The following RNF10 variants were observed in gnomAD, a reference collection of about 807,000 sequenced individuals.
RNF10 encodes the protein E3 ubiquitin-protein ligase RNF10.
A neutral mutation model predicts 91.4 loss-of-function variants in RNF10; 38 were observed. The observed-to-expected ratio is 0.42, with a 90% CI of 0.32 to 0.54. The LOEUF is 0.54. RNF10 is among the 20% of genes least tolerant of loss of function. The probability of loss-of-function intolerance (pLI) is 0.16; values close to 1 mark genes in which losing one functional copy is unlikely to be tolerated. For synonymous variants in RNF10, 364 were observed against 366.3 expected (o/e 0.99, Z 0.07); for missense variants, 945 against 1,012.0 (o/e 0.93, Z 0.90).
chr12:120,563,677 C>G (rs1028267987), intron 9 of RNF10, 54 bp downstream of exon 9: 1 of 1,568,500 alleles, frequency 6.4e-7, no homozygotes, highest in African/African-American at 1.4e-5. Context: ...TCAGAGGTGA[C>G]CCGGTGCTCT....
chr12:120,555,528 C>G (rs912010834), intron 4 of RNF10, among the ~76,000 whole-genome samples: 1 of 148,804 alleles, frequency 6.7e-6, no homozygotes, highest in African/African-American at 2.5e-5. Flanking sequence ...GCTCTTGTTG[C>G]CCAGGCTGGA....
At chr12:120,545,130 T>A (rs937787105) in intron 1 of RNF10, among the ~76,000 whole-genome samples, 6 of 152,234 alleles carry the variant, frequency 3.9e-5, no homozygotes, top group African/African-American at 1.4e-4. Context: ...TATTCTACAC[T>A]ATTTTCAGAA....
intron 4 of RNF10, among the ~76,000 whole-genome samples, chr12:120,556,638 A>T (rs979872105): frequency 6.6e-6 from 1 of 152,000 alleles, no homozygotes; most frequent in Non-Finnish European, 1.5e-5. Flanking sequence ...TATTAAAAAA[A>T]AATGAAGTCT....
At chr12:120,568,570 G>A (rs1305732192) in intron 13 of RNF10, among the ~76,000 whole-genome samples, 3 of 151,666 alleles carry the variant, frequency 2.0e-5, no homozygotes, top group Admixed American at 1.3e-4. Flanking sequence ...CTGCCTCCCG[G>A]GTTCAAGCGA....
At chr12:120,557,202 G>A in intron 4 of RNF10, 80 bp from the exon 5 acceptor site, 1 of 1,236,554 alleles carries the variant, frequency 8.1e-7, no homozygotes, top group Non-Finnish European at 1.2e-6. Context: ...ATGCGGATGA[G>A]AGAGTAGAGA....
chr12:120,575,418 A>G (rs1877254828), intron 14 of RNF10: 4 of 573,602 alleles, frequency 7.0e-6, no homozygotes, highest in Non-Finnish European at 3.1e-6. Flanking sequence ...CAAACAGCTT[A>G]TGGTTTACTA....
chr12:120,542,796 G>T (rs559500809), intron 1 of RNF10, among the ~76,000 whole-genome samples: 4 of 152,164 alleles, frequency 2.6e-5, no homozygotes, highest in Admixed American at 6.5e-5. Context: ...CATGTGATCT[G>T]CCTGCCTTGG....
chr12:120,543,840 C>G (rs1471279188), intron 1 of RNF10, among the ~76,000 whole-genome samples: 1 of 151,612 alleles, frequency 6.6e-6, no homozygotes, highest in Admixed American at 6.6e-5. Context: ...GTGGTGCACA[C>G]CTGCAGTCCT....
intron 1 of RNF10, among the ~76,000 whole-genome samples, chr12:120,538,243 CTT>C (rs1308512240): frequency 2.6e-5 from 4 of 152,156 alleles, no homozygotes; most frequent in Non-Finnish European, 5.9e-5. Flanking sequence ...ATTTAAGTCA[CTT>C]TTTTTCTCCC....
At position 120,534,840 on chromosome 12, in the gene RNF10, C is replaced by T. The variant is rs1263324230; in HGVS notation, c.29C>T (p.Ala10Val). 1.9e-6 allele frequency: 3 copies of T among 1,602,232 alleles called. No individual in the cohort carries two copies. Among genetic ancestry groups the T allele is most frequent in the Non-Finnish European group, 2.5e-6 (3 of 1,178,180 alleles). The change falls in exon 1 of 17, where the codon GCC becomes GTC. Residue 10 changes from alanine to valine, a missense_variant. Ala to Val is a moderately conservative substitution (Grantham distance 64). Transcript: ENST00000325954. ...CCGCTGAGCTCCCCCAACGCCGCCG[C>T]CACCGCCTCCGACATGGACAAGAAC... MPLSSPNAA[A>V]TASDMDKNSG...
intron 1 of RNF10, among the ~76,000 whole-genome samples, chr12:120,537,153 T>A (rs564249972): frequency 6.6e-6 from 1 of 151,618 alleles, no homozygotes; most frequent in African/African-American, 2.4e-5. Context: ...TACAAAAAAA[T>A]AAATGAGCCG....
rs537779170 is a variant in RNF10 at position 120,557,402 on chromosome 12, A to C, written c.766A>C (p.Ser256Arg). Residue 256 changes from serine (S) to arginine (R), a missense_variant, in exon 5 of 17, where the codon AGT (serine) becomes CGT (arginine). Ser to Arg is a moderately radical substitution (Grantham distance 110). Coordinates refer to ENST00000325954, the MANE Select transcript of RNF10 (RefSeq NM_014868.5). ...ATGCATCCTGCACTATCTTTCACTG[A>C]GTGAGAAGACGTGGAGTAAATGTCC... ...WACILHYLSL[S>R]EKTWSKCPIC... 2 of 1,614,180 alleles carry C rather than the reference A, an allele frequency of 1.2e-6. No individual in the cohort carries two copies.
At chr12:120,564,502 G>A (rs1418692600) in intron 10 of RNF10, among the ~76,000 whole-genome samples, 2 of 152,150 alleles carry the variant, frequency 1.3e-5, no homozygotes, top group African/African-American at 4.8e-5. Context: ...ATGTGCACCT[G>A]TTGTCCCAGC....
intron 10 of RNF10, 41 bp downstream of exon 10, chr12:120,563,984 T>G: frequency 6.2e-7 from 1 of 1,612,854 alleles, no homozygotes; most frequent in Non-Finnish European, 8.5e-7. Context: ...GGCAGCAGTA[T>G]TAACCTAATC....
At chr12:120,545,382 C>T (rs1872173690) in intron 1 of RNF10, among the ~76,000 whole-genome samples, 1 of 141,192 alleles carries the variant, frequency 7.1e-6, no homozygotes, top group Non-Finnish European at 1.5e-5. Flanking sequence ...TTAGTAGAGA[C>T]AGGATTTCAC....
At chr12:120,561,144 C>G (rs2099278464) in intron 7 of RNF10, among the ~76,000 whole-genome samples, 1 of 152,118 alleles carries the variant, frequency 6.6e-6, no homozygotes, top group Admixed American at 6.5e-5. Context: ...AGGAGCAAGT[C>G]AAAATGATTT....
chr12:120,557,725 TC>T, intron 6 of RNF10, 43 bp downstream of exon 6: 1 of 1,604,332 alleles, frequency 6.2e-7, no homozygotes, highest in Non-Finnish European at 8.5e-7. Flanking sequence ...CTGGGTACAT[TC>T]TTTAAGGTGA....
intron 2 of RNF10, among the ~76,000 whole-genome samples, chr12:120,552,039 G>A (rs186860009): frequency 5.1e-4 from 74 of 144,866 alleles, no homozygotes; most frequent in Admixed American, 7.6e-4. Flanking sequence ...AGCTGAGGTC[G>A]CGCCACTGCA....
intron 3 of RNF10, chr12:120,553,872 T>C (rs1483897303): frequency 6.6e-6 from 1 of 151,620 alleles, no homozygotes; most frequent in East Asian, 1.9e-4. Flanking sequence ...TATGAACTGA[T>C]GAACTGGTTT....
Sources: gnomAD v4.1 joint callset for allele counts (sites outside exome capture counted in the v4.1 genomes callset) on GRCh38, gnomAD v4.1.1 for gene constraint, MANE v1.5 for transcripts, NCBI Gene and HGNC (gene_info 2026-07-23, HGNC 2026-07-21) for gene names.